The following ZFYVE9 variants were observed in gnomAD, a reference collection of about 807,000 sequenced individuals.
ZFYVE9 encodes zinc finger FYVE domain-containing protein 9.
In ZFYVE9, 43 loss-of-function variants were observed where a neutral mutation model predicts 126.7. The ratio of observed to expected loss-of-function variants is 0.34; its 90% CI spans 0.27 to 0.44. The LOEUF (loss-of-function observed/expected upper bound fraction) is 0.44. Ranked by LOEUF, ZFYVE9 falls within the 20% of genes least tolerant of loss-of-function variation. ZFYVE9 has a pLI of 1.00. For synonymous variants in ZFYVE9, 521 were observed against 597.4 expected, an observed-to-expected ratio of 0.87 and a Z score of 1.87; for missense variants, 1,476 against 1,697.0, an observed-to-expected ratio of 0.87 and a Z score of 2.29.
At chr1:52,339,364 T>A (rs1417503008) in intron 16 of ZFYVE9, among the ~76,000 whole-genome samples, 2 of 152,036 alleles carry the variant, frequency 1.3e-5, no homozygotes, top group Admixed American at 6.6e-5. Context: ...CGCAGCTCAC[T>A]GCAACCTCCG....
At chr1:52,239,654 A>G in intron 4 of ZFYVE9, 59 bp downstream of exon 4, 1 of 1,540,922 alleles carries the variant, frequency 6.5e-7, no homozygotes, top group Non-Finnish European at 8.8e-7. Flanking sequence ...GCTGAATTAA[A>G]TAGTAATAAA....
chr1:52,189,881 AATGTTCTTTCCTT>A (rs1224308260), intron 1 of ZFYVE9: 1 of 151,692 alleles, frequency 6.6e-6, no homozygotes, highest in Non-Finnish European at 1.5e-5. Flanking sequence ...TTTGTTGAAA[AATGTTCTTTCCTT>A]ATGGAATTGT....
chr1:52,171,944 G>T (rs1376583860), intron 1 of ZFYVE9, among the ~76,000 whole-genome samples: 2 of 151,992 alleles, frequency 1.3e-5, no homozygotes, highest in Non-Finnish European at 2.9e-5. Context: ...CTTCCATTTT[G>T]TAGGTTGCCT....
rs564881612 is a variant in ZFYVE9 at position 52,192,002 on chromosome 1, C to T, written c.-142-24367C>T. 2.7e-4 allele frequency among the ~76,000 whole-genome samples: 40 copies of T among 147,794 alleles called. 1 individual carries two copies. The South Asian group carries it at 8.0e-3, about 30-fold the overall frequency. On this transcript the variant is annotated intron_variant, in intron 1 of 18. Transcript: ENST00000287727. The stretch of plus-strand genomic sequence containing the variant: ...GGACATGGTCTTAACAGCATCTAGA[C>T]AGGCTTAGGACACAGTAATTGGCAG...
At chr1:52,179,796 T>C in intron 1 of ZFYVE9, 1 of 528,320 alleles carries the variant, frequency 1.9e-6, no homozygotes, top group South Asian at 2.1e-5. Flanking sequence ...ATAAAAAGGA[T>C]TTAAAGTGTC....
chr1:52,181,978 G>A (rs1644711175), intron 1 of ZFYVE9, among the ~76,000 whole-genome samples: 1 of 151,704 alleles, frequency 6.6e-6, no homozygotes, highest in South Asian at 2.1e-4. Context: ...CAGGCCAGCC[G>A]CCCCGTCCCG....
intron 10 of ZFYVE9, among the ~76,000 whole-genome samples, chr1:52,285,043 A>AT (rs2147820319): frequency 6.6e-6 from 1 of 152,234 alleles, no homozygotes; most frequent in South Asian, 2.1e-4. Context: ...CAAACTCTTC[A>AT]TTTTTTAGAT....
At chr1:52,200,353 A>ATT (rs201684315) in intron 1 of ZFYVE9, among the ~76,000 whole-genome samples, 5 of 151,238 alleles carry the variant, frequency 3.3e-5, no homozygotes, top group African/African-American at 1.2e-4. Context: ...TAATTTTTAT[A>ATT]TTTTTTTTGT....
intron 1 of ZFYVE9, among the ~76,000 whole-genome samples, chr1:52,188,697 A>G (rs549110282): frequency 1.3e-5 from 2 of 152,162 alleles, no homozygotes; most frequent in Non-Finnish European, 2.9e-5. Context: ...ATTGGTTTAT[A>G]TAGTAGACTG....
At chr1:52,242,858 C>G (rs1312878847) in intron 4 of ZFYVE9, among the ~76,000 whole-genome samples, 1 of 152,118 alleles carries the variant, frequency 6.6e-6, no homozygotes, top group Non-Finnish European at 1.5e-5. Flanking sequence ...AAAACAGAAC[C>G]AACATTTAGA....
intron 12 of ZFYVE9, among the ~76,000 whole-genome samples, chr1:52,299,601 G>A (rs565740186): frequency 1.2e-4 from 19 of 152,330 alleles, no homozygotes; most frequent in African/African-American, 4.1e-4. Flanking sequence ...CCAGCCAGCT[G>A]TGTGTTGGTT....
intron 1 of ZFYVE9, among the ~76,000 whole-genome samples, chr1:52,152,576 A>G (rs1470879136): frequency 1.3e-5 from 2 of 152,192 alleles, no homozygotes; most frequent in African/African-American, 4.8e-5. Flanking sequence ...AAAATTACAC[A>G]GAATAAATAA....
intron 9 of ZFYVE9, among the ~76,000 whole-genome samples, chr1:52,280,749 C>A (rs1645795177): frequency 6.6e-6 from 1 of 152,116 alleles, no homozygotes; most frequent in South Asian, 2.1e-4. Flanking sequence ...CAAGTAAAGT[C>A]ATGTTGCTGA....
intron 13 of ZFYVE9, among the ~76,000 whole-genome samples, chr1:52,326,227 T>A (rs1366038481): frequency 6.6e-6 from 1 of 152,238 alleles, no homozygotes; most frequent in Non-Finnish European, 1.5e-5. Context: ...GGAAAGGTCT[T>A]TAATTTCATT....
At chr1:52,164,514 G>A (rs574555940) in intron 1 of ZFYVE9, among the ~76,000 whole-genome samples, 11 of 152,162 alleles carry the variant, frequency 7.2e-5, no homozygotes, top group Non-Finnish European at 1.5e-4. Flanking sequence ...GCGCCAAGCC[G>A]ACAATGAGTA....
intron 12 of ZFYVE9, among the ~76,000 whole-genome samples, chr1:52,298,236 G>A (rs1262913150): frequency 6.6e-6 from 1 of 152,060 alleles, no homozygotes; most frequent in African/African-American, 2.4e-5. Context: ...GCCCAATATT[G>A]TGAAGCATTT....
chr1:52,229,845 A>C (rs2124616723), intron 2 of ZFYVE9, among the ~76,000 whole-genome samples: 1 of 151,860 alleles, frequency 6.6e-6, no homozygotes, highest in South Asian at 2.1e-4. Context: ...TCAAACAACC[A>C]GGAAAGATTA....
intron 4 of ZFYVE9, among the ~76,000 whole-genome samples, chr1:52,239,952 ATTAT>A (rs1236184419): frequency 1.3e-5 from 2 of 152,242 alleles, no homozygotes; most frequent in East Asian, 1.9e-4. Flanking sequence ...AACTTATTGC[ATTAT>A]TTATTGAAAA....
At chr1:52,339,675 T>C (rs935366665) in intron 16 of ZFYVE9, among the ~76,000 whole-genome samples, 1 of 152,136 alleles carries the variant, frequency 6.6e-6, no homozygotes, top group Admixed American at 6.6e-5. Flanking sequence ...GAGGGGAATA[T>C]ATCATATTCC....
Sources: allele counts gnomAD v4.1 joint callset (sites outside exome capture counted in the v4.1 genomes callset), GRCh38; gene constraint gnomAD v4.1.1; transcripts MANE v1.5; gene names NCBI Gene and HGNC (gene_info 2026-07-23, HGNC 2026-07-21).